Variants in ADAMTS17 observed in about 807,000 individuals in gnomAD.
ADAMTS17 encodes ADAM metallopeptidase with thrombospondin type 1 motif 17, also known as A disintegrin and metalloproteinase with thrombospondin motifs 17.
In ADAMTS17, 113 loss-of-function variants were observed where a neutral mutation model predicts 141.5. The ratio of observed to expected loss-of-function variants is 0.80; its 90% CI spans 0.69 to 0.93. The LOEUF (loss-of-function observed/expected upper bound fraction) is 0.93. ADAMTS17 is among the 40% of genes least tolerant of loss of function. The probability of loss-of-function intolerance (pLI) is 0.00; values close to 1 mark genes in which losing one functional copy is unlikely to be tolerated. For synonymous variants in ADAMTS17, 768 were observed against 630.6 expected (o/e 1.22, Z -3.27); for missense variants, 1,659 against 1,517.9 (o/e 1.09, Z -1.54).
chr15:100,322,651 A>G (rs1469732349), intron 3 of ADAMTS17, among the ~76,000 whole-genome samples: 1 of 152,244 alleles, frequency 6.6e-6, no homozygotes, highest in African/African-American at 2.4e-5. Flanking sequence ...AAGAATTTTG[A>G]AGCAATTATT....
In ADAMTS17 at chr15:99,974,461, AG is replaced by A. The variant is rs1754006035; in HGVS notation, c.3228del (p.Cys1077AlafsTer34). Reference sequence around the variant, plus strand: ...GCATAGAAGTCCCTGCAGGTCTGGCAGCAGCGCTGGTACCACCGCATGTCCT... The same window carrying A: ...GCATAGAAGTCCCTGCAGGTCTGGCACAGCGCTGGTACCACCGCATGTCCT... ...LCQDMRWYQR[C>X]CQTCRDFYAN... On this transcript the variant is annotated frameshift_variant, in exon 22 of 22. Transcript: ENST00000268070. LOFTEE classifies it high-confidence loss of function. 6.2e-7 allele frequency: 1 copy of A among 1,614,114 alleles called. No homozygotes were observed. The highest frequency in any genetic ancestry group is 1.7e-5 in the Admixed American group (1 of 60,010).
intron 17 of ADAMTS17, among the ~76,000 whole-genome samples, chr15:100,050,509 G>T (rs923514327): frequency 1.3e-5 from 2 of 152,208 alleles, no homozygotes; most frequent in African/African-American, 4.8e-5. Context: ...CAGGGCTGTT[G>T]CAGGAATAGG....
intron 9 of ADAMTS17, among the ~76,000 whole-genome samples, chr15:100,153,835 T>C (rs1170985239): frequency 1.3e-5 from 2 of 152,194 alleles, no homozygotes; most frequent in African/African-American, 4.8e-5. Flanking sequence ...GGTTTACTTC[T>C]GGGCTCACAC....
intron 13 of ADAMTS17, among the ~76,000 whole-genome samples, chr15:100,111,412 AAGG>A (rs1197810863): frequency 6.6e-6 from 1 of 152,220 alleles, no homozygotes; most frequent in African/African-American, 2.4e-5. Context: ...TGGCTGGTGG[AAGG>A]AGAACTCTGG....
At chr15:100,111,018 T>C (rs1413961317) in intron 13 of ADAMTS17, among the ~76,000 whole-genome samples, 1 of 152,200 alleles carries the variant, frequency 6.6e-6, no homozygotes, top group Non-Finnish European at 1.5e-5. Context: ...TCCAGGAGTG[T>C]GCTGGAAATG....
At chr15:100,193,949 C>T (rs999994020) in intron 8 of ADAMTS17, among the ~76,000 whole-genome samples, 4 of 152,338 alleles carry the variant, frequency 2.6e-5, no homozygotes, top group South Asian at 2.1e-4. Context: ...GGAGACCTCC[C>T]GTGGTTTGGG....
intron 4 of ADAMTS17, among the ~76,000 whole-genome samples, chr15:100,279,051 G>A (rs1315706157): frequency 1.3e-5 from 2 of 152,128 alleles, no homozygotes; most frequent in African/African-American, 2.4e-5. Context: ...TACCAGAGCC[G>A]AGATCCCAGT....
intron 12 of ADAMTS17, among the ~76,000 whole-genome samples, chr15:100,119,043 TAC>T (rs60655404): frequency 2.4e-4 from 35 of 147,998 alleles, no homozygotes; most frequent in South Asian, 2.2e-4. Flanking sequence ...CATCTGGAGA[TAC>T]ACACACACAC....
At position 100,289,548 on chromosome 15, in the gene ADAMTS17, T is replaced by TCACACA. The variant is rs35262820; in HGVS notation, c.617-8153_617-8148dup. On this transcript the variant is annotated intron_variant, in intron 3 of 21. Coordinates refer to ENST00000268070, the MANE Select transcript of ADAMTS17 (RefSeq NM_139057.4). Reference sequence around the variant, plus strand: ...CACACACATACACACATACACACACTCACACACACACACACACACACACTC... The same window carrying TCACACA: ...CACACACATACACACATACACACACTCACACACACACACACACACACACACACACTC... Among the ~76,000 whole-genome samples, 489 of 146,556 alleles carry TCACACA rather than the reference T, an allele frequency of 3.3e-3. 4 individuals are homozygous for TCACACA. The highest frequency in any genetic ancestry group is 5.9e-3 in the Non-Finnish European group (385 of 65,276).
intron 7 of ADAMTS17, among the ~76,000 whole-genome samples, chr15:100,218,794 T>C (rs775591140): frequency 1.3e-5 from 2 of 151,324 alleles, no homozygotes; most frequent in Non-Finnish European, 2.9e-5. Context: ...GGAAACATTG[T>C]TCACAATATC....
At chr15:100,071,660 CAT>C (rs2033980782) in intron 15 of ADAMTS17, among the ~76,000 whole-genome samples, 1 of 150,540 alleles carries the variant, frequency 6.6e-6, no homozygotes, top group Admixed American at 6.6e-5. Context: ...ACAAAAACCA[CAT>C]GATTATCTCA....
chr15:100,011,379 T>TGGGAGGGTGGGAGAG (rs1185532524), intron 18 of ADAMTS17, among the ~76,000 whole-genome samples: 1 of 13,156 alleles, frequency 7.6e-5, no homozygotes, highest in East Asian at 2.4e-3. Context: ...GGAAAGGCAG[T>TGGGAGGGTGGGAGAG]AAGGACAGAA....
intron 17 of ADAMTS17, among the ~76,000 whole-genome samples, chr15:100,051,263 T>C (rs2032116236): frequency 6.6e-6 from 1 of 152,156 alleles, no homozygotes; most frequent in Non-Finnish European, 1.5e-5. Flanking sequence ...GTCTATTCTG[T>C]TTATTCCCAG....
chr15:100,096,415 C>G lies in ADAMTS17; in HGVS notation c.2078G>C (p.Ser693Thr). Residue 693 changes from serine to threonine, a missense_variant, in exon 15 of 22, where the codon AGC (serine) becomes ACC (threonine). By Grantham distance (58) the Ser-to-Thr change is moderately conservative (BLOSUM62 1). Transcript: ENST00000268070. ...CAAGTGGCAGGTCTTGCCGTCCCCGCTGCAGACCCCGCATCTGTCCTCTTT... is the reference window on the plus strand; with the variant it reads ...CAAGTGGCAGGTCTTGCCGTCCCCGGTGCAGACCCCGCATCTGTCCTCTTT... ...AAKEDRCGVC[S>T]GDGKTCHLVK... is the part of the protein sequence containing the mutation. The G allele has an allele frequency of 6.2e-7, 1 of 1,614,086 alleles. No homozygotes were observed.
chr15:99,995,965 C>T (rs78322065), intron 19 of ADAMTS17, among the ~76,000 whole-genome samples: 8,822 of 152,022 alleles, frequency 0.058, 282 homozygotes, highest in Middle Eastern at 0.17. Flanking sequence ...ATTTTCCAAA[C>T]GTAGAGATCT....
At chr15:100,105,625 G>T (rs953735914) in intron 14 of ADAMTS17, among the ~76,000 whole-genome samples, 2 of 152,164 alleles carry the variant, frequency 1.3e-5, no homozygotes, top group East Asian at 1.9e-4. Context: ...AGGTCAAGAG[G>T]GGGTAGAGCT....
At chr15:100,106,345 G>A (rs1013820487) in intron 14 of ADAMTS17, among the ~76,000 whole-genome samples, 4 of 152,218 alleles carry the variant, frequency 2.6e-5, no homozygotes, top group Non-Finnish European at 5.9e-5. Context: ...AGCAGCCTGA[G>A]TTGACTAAGA....
At chr15:100,285,241 G>A (rs1050779604) in intron 3 of ADAMTS17, among the ~76,000 whole-genome samples, 10 of 152,162 alleles carry the variant, frequency 6.6e-5, no homozygotes, top group African/African-American at 1.7e-4. Context: ...AAGATGAAGA[G>A]AAAAAGACAG....
At chr15:100,322,279 G>T (rs900488841) in intron 3 of ADAMTS17, among the ~76,000 whole-genome samples, 1 of 152,086 alleles carries the variant, frequency 6.6e-6, no homozygotes. Flanking sequence ...AAAGTATGGG[G>T]GAGGCATGCT....
Sources: allele counts gnomAD v4.1 joint callset (sites outside exome capture counted in the v4.1 genomes callset), GRCh38; gene constraint gnomAD v4.1.1; transcripts MANE v1.5; gene names NCBI Gene and HGNC (gene_info 2026-07-23, HGNC 2026-07-21).